Variants in FUT8 observed in about 807,000 individuals in gnomAD.
The protein encoded by FUT8 is fucosyltransferase 8.
A neutral mutation model predicts 71.3 loss-of-function variants in FUT8; 29 were observed. That is an observed-to-expected ratio of 0.41 (90% CI 0.30 to 0.55). The LOEUF is 0.55. Ranked by LOEUF, FUT8 falls within the 20% of genes least tolerant of loss-of-function variation. The probability of loss-of-function intolerance (pLI) is 0.34; values close to 1 mark genes in which losing one functional copy is unlikely to be tolerated. For synonymous variants in FUT8, 254 were observed against 239.3 expected (o/e 1.06, Z -0.57); for missense variants, 544 against 702.1 (o/e 0.77, Z 2.55).
chr14:65,725,734 A>G (rs920720834), intron 9 of FUT8, among the ~76,000 whole-genome samples: 3 of 152,236 alleles, frequency 2.0e-5, no homozygotes, highest in Admixed American at 2.0e-4. Context: ...ATTGATTTCA[A>G]TCCCATCAGT....
the FUT8 span, among the ~76,000 whole-genome samples, chr14:65,395,290 C>T: frequency 1.3e-5 from 2 of 152,224 alleles, no homozygotes; most frequent in Non-Finnish European, 2.9e-5. Context: ...CCTCTTGTCA[C>T]AGCTCCACTA....
intron 7 of FUT8, among the ~76,000 whole-genome samples, chr14:65,711,453 G>A (rs1894808569): frequency 6.6e-6 from 1 of 152,058 alleles, no homozygotes; most frequent in African/African-American, 2.4e-5. Context: ...TGAATTTATG[G>A]TCATATATGA....
intron 3 of FUT8, among the ~76,000 whole-genome samples, chr14:65,586,543 T>C (rs1887394980): frequency 6.6e-6 from 1 of 152,248 alleles, no homozygotes; most frequent in South Asian, 2.1e-4. Flanking sequence ...GAATCTAATG[T>C]ATTTGATATA....
chr14:65,702,012 C>G (rs1018702606), intron 7 of FUT8, among the ~76,000 whole-genome samples: 1 of 152,202 alleles, frequency 6.6e-6, no homozygotes, highest in African/African-American at 2.4e-5. Flanking sequence ...TGACTCCTAG[C>G]TGAGTGACCT....
intron 6 of FUT8, among the ~76,000 whole-genome samples, chr14:65,641,863 T>C (rs1333388252): frequency 6.6e-6 from 1 of 151,980 alleles, no homozygotes; most frequent in East Asian, 1.9e-4. Context: ...CTGCCTATTT[T>C]TTAATTGGGA....
intron 3 of FUT8, among the ~76,000 whole-genome samples, chr14:65,567,875 T>A (rs746829732): frequency 6.6e-6 from 1 of 151,944 alleles, no homozygotes; most frequent in African/African-American, 2.4e-5. Flanking sequence ...GAGCTGTTTA[T>A]TTATGATTTT....
At chr14:65,682,944 T>C (rs1893104736) in intron 7 of FUT8, among the ~76,000 whole-genome samples, 1 of 152,224 alleles carries the variant, frequency 6.6e-6, no homozygotes, top group African/African-American at 2.4e-5. Flanking sequence ...CCTTGCATTT[T>C]GTATTCAGTC....
At chr14:65,494,195 G>T (rs1379567502) in intron 2 of FUT8, among the ~76,000 whole-genome samples, 7 of 151,992 alleles carry the variant, frequency 4.6e-5, no homozygotes, top group African/African-American at 1.7e-4. Flanking sequence ...AGTTAAAATT[G>T]GTTTCAGTTA....
intron 1 of FUT8, among the ~76,000 whole-genome samples, chr14:65,431,307 T>G (rs1879559218): frequency 7.0e-6 from 1 of 143,742 alleles, no homozygotes; most frequent in Non-Finnish European, 1.5e-5. Context: ...GCCTTTTTTT[T>G]TTTTTTTTTT....
chr14:65,467,682 G>A lies in FUT8; in HGVS notation c.-228+11964G>A. ...TAGTAGAGAGGGTTTCACTATGTTG[G>A]CCAGGCTGGTCTCGAACTCCTGACC... On this transcript the variant is annotated intron_variant, in intron 2 of 10. Transcript: ENST00000673929. The surrounding 1 kb of genome is among the most constrained non-coding windows in gnomAD (Gnocchi z 4.1). 1 of 344,048 alleles carries A rather than the reference G, an allele frequency of 2.9e-6. No individual in the cohort carries two copies. The highest frequency in any genetic ancestry group is 5.5e-6 in the Non-Finnish European group (1 of 181,590). The allele number at this position is 344,048 out of a possible 1,614,324, so 21.3% of individuals were successfully genotyped here.
At chr14:65,653,291 T>C (rs1195159880) in intron 6 of FUT8, among the ~76,000 whole-genome samples, 1 of 152,196 alleles carries the variant, frequency 6.6e-6, no homozygotes, top group African/African-American at 2.4e-5. Context: ...TACACCTCTA[T>C]TATCAGATTG....
intron 2 of FUT8, among the ~76,000 whole-genome samples, chr14:65,482,182 C>A (rs1037955738): frequency 6.6e-6 from 1 of 151,980 alleles, no homozygotes; most frequent in Non-Finnish European, 1.5e-5. Flanking sequence ...GATAGAAATT[C>A]TTTTTTGGGG....
At chr14:65,512,195 G>GACAC (rs1882390444) in intron 2 of FUT8, among the ~76,000 whole-genome samples, 1 of 152,166 alleles carries the variant, frequency 6.6e-6, no homozygotes, top group African/African-American at 2.4e-5. Context: ...ACAGAGTCTT[G>GACAC]CTCGGTTGCC....
chr14:65,556,099 T>C (rs1019771828), intron 2 of FUT8, among the ~76,000 whole-genome samples: 1 of 152,196 alleles, frequency 6.6e-6, no homozygotes, highest in Non-Finnish European at 1.5e-5. Flanking sequence ...GCTTTTAACC[T>C]ACTAGAGGAG....
chr14:65,703,603 C>T (rs956723451), intron 7 of FUT8, among the ~76,000 whole-genome samples: 1 of 152,190 alleles, frequency 6.6e-6, no homozygotes, highest in African/African-American at 2.4e-5. Flanking sequence ...TGGTTTGGCA[C>T]ATAAGACCAT....
At chr14:65,684,126 A>T (rs1168460284) in intron 7 of FUT8, among the ~76,000 whole-genome samples, 3 of 151,758 alleles carry the variant, frequency 2.0e-5, no homozygotes, top group Admixed American at 2.0e-4. Context: ...ATATATATAT[A>T]TTTTATCGCA....
chr14:65,554,383 C>G (rs967218662), intron 2 of FUT8, among the ~76,000 whole-genome samples: 1 of 144,770 alleles, frequency 6.9e-6, no homozygotes, highest in Non-Finnish European at 1.5e-5. Context: ...TTTGCTTTGT[C>G]TTTTGACTAT....
At chr14:65,593,327 T>G (rs1007493997) in intron 3 of FUT8, among the ~76,000 whole-genome samples, 1 of 152,176 alleles carries the variant, frequency 6.6e-6, no homozygotes, top group Non-Finnish European at 1.5e-5. Flanking sequence ...ATATTAAAGT[T>G]AAGAGGGGAA....
intron 2 of FUT8, among the ~76,000 whole-genome samples, chr14:65,457,175 C>T (rs1468863457): frequency 6.6e-6 from 1 of 152,120 alleles, no homozygotes; most frequent in African/African-American, 2.4e-5. Context: ...TTCTTCATCC[C>T]CTGACCCCAT....
Sources: allele counts gnomAD v4.1 joint callset (sites outside exome capture counted in the v4.1 genomes callset), GRCh38; gene constraint gnomAD v4.1.1; non-coding constraint Gnocchi (gnomAD v3.1); transcripts MANE v1.5; gene names NCBI Gene and HGNC (gene_info 2026-07-23, HGNC 2026-07-21).